MALL: variants seen among roughly 807,000 people sequenced by gnomAD.
MALL encodes the protein mal, T cell differentiation protein like.
A neutral mutation model predicts 10.3 loss-of-function variants in MALL; 2 were observed. That is an observed-to-expected ratio of 0.19 (90% CI 0.08 to 0.61). The LOEUF (loss-of-function observed/expected upper bound fraction) is 0.61. Ranked by LOEUF, MALL falls within the 20% of genes least tolerant of loss-of-function variation. The probability of loss-of-function intolerance (pLI) is 0.88; values close to 1 mark genes in which losing one functional copy is unlikely to be tolerated. For missense variants in MALL, 39 were observed against 115.2 expected, an observed-to-expected ratio of 0.34 and a Z score of 3.03; for synonymous variants, 27 against 51.8, an observed-to-expected ratio of 0.52 and a Z score of 2.05.
At chr2:110,116,048 G>T (rs537569821), upstream of MALL, 103 of 370,184 alleles carry the variant, frequency 2.8e-4, 1 homozygote, top group Non-Finnish European at 4.6e-4. Flanking sequence ...TCTCCTCCTA[G>T]ACCTTTCCAG....
At chr2:110,100,591 C>T (rs1678543360) in intron 1 of MALL, among the ~76,000 whole-genome samples, 1 of 152,172 alleles carries the variant, frequency 6.6e-6, no homozygotes, top group Non-Finnish European at 1.5e-5. Flanking sequence ...CACACCCACA[C>T]CCGCCTGTAG....
intron 1 of MALL, among the ~76,000 whole-genome samples, chr2:110,096,911 T>C (rs1678453459): frequency 6.6e-6 from 1 of 152,026 alleles, no homozygotes; most frequent in African/African-American, 2.4e-5. Flanking sequence ...ACTCAGTAAT[T>C]TCACTTGATG....
rs747402534 is a variant in MALL at position 110,115,678 on chromosome 2, C to T, written c.105+10G>A. On this transcript the variant is annotated intron_variant, in intron 1 of 3. Transcript: ENST00000272462. ...CTGCAGGTGGCCCGGGTCGGGGGTG[C>T]CGCACTCACCAGCTCGGGCAGGAAG... The T allele has an allele frequency of 7.9e-7, 1 of 1,267,322 alleles. No individual in the cohort carries two copies. The allele number at this position is 1,267,322 out of a possible 1,614,324, so 78.5% of individuals were successfully genotyped here. A position where few individuals can be genotyped will look rare whatever the true frequency, so the allele number is the denominator to read the frequency against.
intron 1 of MALL, among the ~76,000 whole-genome samples, chr2:110,111,567 C>A (rs1678801355): frequency 6.6e-6 from 1 of 152,040 alleles, no homozygotes; most frequent in Non-Finnish European, 1.5e-5. Flanking sequence ...TAAAACACTG[C>A]TGAAAGAAAT....
intron 1 of MALL, chr2:110,097,382 C>A (rs1027220482): frequency 2.7e-5 from 12 of 443,108 alleles, no homozygotes; most frequent in Admixed American, 2.2e-4. Flanking sequence ...TAACCCCAAA[C>A]AAATAATATG....
Position 110,113,909 on chromosome 2 carries a change from C to T in MALL, c.105+1779G>A, listed in dbSNP as rs142957195. On this transcript the variant is annotated intron_variant, in intron 1 of 3. Coordinates refer to ENST00000272462, the MANE Select transcript of MALL (RefSeq NM_005434.5). ...TATTGCAGCTTTACTGTAAATCTCA[C>T]GTTACTTAACAGTACAAATAAATGA... Among the ~76,000 whole-genome samples, 435 of 152,270 alleles carry T rather than the reference C, an allele frequency of 2.9e-3. 4 individuals are homozygous for T. The highest frequency in any genetic ancestry group is 4.6e-3 in the Non-Finnish European group (310 of 68,020).
chr2:110,117,587 ATGTGTGTGTGTG>A (rs3840469), upstream of MALL, among the ~76,000 whole-genome samples: 4 of 105,432 alleles, frequency 3.8e-5, no homozygotes, highest in African/African-American at 1.2e-4. Flanking sequence ...GACCAAAGCA[ATGTGTGTGTGTG>A]TGTGTGTGTG....
intron 1 of MALL, among the ~76,000 whole-genome samples, chr2:110,106,921 A>G (rs1213828176): frequency 6.6e-6 from 1 of 152,222 alleles, no homozygotes. Context: ...CACAGCTTGG[A>G]TGGTGCTCAA....
Position 110,104,278 on chromosome 2 carries a change from G to A in MALL, c.105+11410C>T, listed in dbSNP as rs114965675. Among the ~76,000 whole-genome samples the A allele has an allele frequency of 2.3e-3, 352 of 152,166 alleles. 1 individual carries two copies. Among genetic ancestry groups the A allele is most frequent in the African/African-American group, 8.2e-3 (340 of 41,520 alleles). On this transcript the variant is annotated intron_variant, in intron 1 of 3. Coordinates refer to ENST00000272462, the MANE Select transcript of MALL (RefSeq NM_005434.5). ...GTTCAGTGACCCCTTTCTGTTCATC[G>A]AGCCTTCCAACGACTGTGTCAACAA...
At chr2:110,109,628 A>C (rs982259548) in intron 1 of MALL, among the ~76,000 whole-genome samples, 2 of 152,208 alleles carry the variant, frequency 1.3e-5, no homozygotes, top group African/African-American at 4.8e-5. Context: ...CTCCACTGAC[A>C]GCACTAGACA....
At chr2:110,097,999 G>T (rs2104382399) in intron 1 of MALL, among the ~76,000 whole-genome samples, 1 of 151,940 alleles carries the variant, frequency 6.6e-6, no homozygotes, top group East Asian at 1.9e-4. Context: ...GGGTCTCCTG[G>T]TCCCACCACG....
chr2:110,112,573 C>CA (rs554966814), intron 1 of MALL, among the ~76,000 whole-genome samples: 2,195 of 146,640 alleles, frequency 0.015, 52 homozygotes, highest in African/African-American at 0.046. Flanking sequence ...ATCAAAAAAT[C>CA]AAAAAAAAAA....
intron 1 of MALL, among the ~76,000 whole-genome samples, chr2:110,114,240 A>G (rs1469560625): frequency 1.3e-5 from 2 of 151,204 alleles, no homozygotes; most frequent in East Asian, 3.9e-4. Flanking sequence ...GCAGGCCTGG[A>G]CCCCTCCTTG....
chr2:110,115,482 C>G (rs542638624), intron 1 of MALL, among the ~76,000 whole-genome samples: 2 of 151,754 alleles, frequency 1.3e-5, no homozygotes, highest in Admixed American at 6.6e-5. Flanking sequence ...TCCCCGCTCT[C>G]GGTCCGGTCT....
chr2:110,102,343 C>T (rs1678588975), intron 1 of MALL, among the ~76,000 whole-genome samples: 2 of 140,688 alleles, frequency 1.4e-5, no homozygotes, highest in South Asian at 2.6e-4. Flanking sequence ...GCATACCTCC[C>T]CTAGGATCAC....
At chr2:110,113,367 G>C (rs1468308497) in intron 1 of MALL, among the ~76,000 whole-genome samples, 3 of 150,108 alleles carry the variant, frequency 2.0e-5, no homozygotes, top group Admixed American at 1.3e-4. Context: ...GAACCCGGGA[G>C]GTGGAGCTTG....
upstream of MALL, among the ~76,000 whole-genome samples, chr2:110,117,726 C>A (rs529972041): frequency 8.4e-4 from 128 of 151,924 alleles, 2 homozygotes; most frequent in Non-Finnish European, 1.1e-3. Flanking sequence ...GACAAAGGTT[C>A]CCCTTTCTCA....
chr2:110,114,088 T>G (rs17842653), intron 1 of MALL, among the ~76,000 whole-genome samples: 10,684 of 152,036 alleles, frequency 0.07, 1,249 homozygotes, highest in African/African-American at 0.24. Flanking sequence ...ACCTCTCATG[T>G]TTCTCACCCT....
chr2:110,103,522 A>T (rs910513436), intron 1 of MALL, among the ~76,000 whole-genome samples: 2 of 152,244 alleles, frequency 1.3e-5, no homozygotes, highest in African/African-American at 2.4e-5. Flanking sequence ...ACTCCCACAG[A>T]TCTGCCCCGC....
Sources: allele counts gnomAD v4.1 joint callset (sites outside exome capture counted in the v4.1 genomes callset), GRCh38; gene constraint gnomAD v4.1.1; transcripts MANE v1.5; gene names NCBI Gene and HGNC (gene_info 2026-07-23, HGNC 2026-07-21).